DNAAF9: variants seen among roughly 807,000 people sequenced by gnomAD.
The protein encoded by DNAAF9 is dynein axonemal assembly factor 9.
DNAAF9 carries 90 observed loss-of-function variants against 167.0 expected under a neutral mutation model. The ratio of observed to expected loss-of-function variants is 0.54; its 90% CI spans 0.45 to 0.64. DNAAF9 has a LOEUF of 0.64. Ranked by LOEUF, DNAAF9 falls within the 30% of genes least tolerant of loss-of-function variation. The pLI is 0.00. For synonymous variants in DNAAF9, 491 were observed against 508.8 expected, an observed-to-expected ratio of 0.96 and a Z score of 0.47; for missense variants, 1,315 against 1,442.2, an observed-to-expected ratio of 0.91 and a Z score of 1.43.
chr20:3,295,724 A>G (rs940305912), intron 23 of DNAAF9: 1 of 613,372 alleles, frequency 1.6e-6, no homozygotes, highest in Admixed American at 1.9e-5. Flanking sequence ...ATTATCTGGC[A>G]TAACGCGTGA....
At chr20:3,341,847 G>A (rs934637243) in intron 9 of DNAAF9, among the ~76,000 whole-genome samples, 37 of 152,036 alleles carry the variant, frequency 2.4e-4, no homozygotes, top group South Asian at 1.7e-3. Context: ...GCGCGATCTC[G>A]GCTCACTGCA....
intron 12 of DNAAF9, 106 bp from the exon 13 acceptor site, chr20:3,326,390 A>C: frequency 1.3e-6 from 1 of 787,814 alleles, no homozygotes; most frequent in Non-Finnish European, 2.1e-6. Flanking sequence ...TTTAAACAGA[A>C]TGAAAAAAGG....
chr20:3,361,484 A>AGTGGGAG (rs1286916421), intron 6 of DNAAF9, among the ~76,000 whole-genome samples: 1 of 152,162 alleles, frequency 6.6e-6, no homozygotes, highest in Non-Finnish European at 1.5e-5. Context: ...TTGCAGGGAA[A>AGTGGGAG]GTGGGAGGTG....
At chr20:3,286,111 T>C (rs1398160350) in intron 27 of DNAAF9, among the ~76,000 whole-genome samples, 4 of 152,136 alleles carry the variant, frequency 2.6e-5, no homozygotes, top group Non-Finnish European at 5.9e-5. Context: ...AGCCCCAAGA[T>C]GATGGACATG....
intron 30 of DNAAF9, among the ~76,000 whole-genome samples, chr20:3,264,888 G>A (rs541260717): frequency 1.1e-4 from 17 of 152,028 alleles, no homozygotes; most frequent in Non-Finnish European, 2.4e-4. Context: ...TTACCTGCAC[G>A]TTTTGTTTAT....
At chr20:3,398,630 A>C (rs1346680552) in intron 1 of DNAAF9, among the ~76,000 whole-genome samples, 1 of 152,218 alleles carries the variant, frequency 6.6e-6, no homozygotes, top group Non-Finnish European at 1.5e-5. Flanking sequence ...ACAATTCTTG[A>C]AACTTTTCTG....
chr20:3,389,157 G>A (rs1217316762), intron 1 of DNAAF9, among the ~76,000 whole-genome samples: 2 of 151,738 alleles, frequency 1.3e-5, no homozygotes, highest in African/African-American at 4.8e-5. Flanking sequence ...TTTTAGTAGA[G>A]ATGAGGTTTC....
chr20:3,271,636 T>C (rs2068594853), intron 29 of DNAAF9, among the ~76,000 whole-genome samples: 1 of 151,786 alleles, frequency 6.6e-6, no homozygotes, highest in Non-Finnish European at 1.5e-5. Context: ...TTTTTTTTTT[T>C]TTGAGACGGA....
chr20:3,345,397 T>C (rs911830289), intron 8 of DNAAF9, among the ~76,000 whole-genome samples: 4 of 152,180 alleles, frequency 2.6e-5, no homozygotes, highest in African/African-American at 9.7e-5. Flanking sequence ...GCAATCCTAA[T>C]AACAACCTAT....
intron 7 of DNAAF9, among the ~76,000 whole-genome samples, chr20:3,355,612 A>T (rs948039250): frequency 2.0e-5 from 3 of 152,148 alleles, no homozygotes; most frequent in Non-Finnish European, 2.9e-5. Context: ...CAGATGTTCA[A>T]TGTTATCAAA....
At chr20:3,270,122 T>C (rs1276778376) in intron 30 of DNAAF9, among the ~76,000 whole-genome samples, 1 of 149,264 alleles carries the variant, frequency 6.7e-6, no homozygotes, top group African/African-American at 2.5e-5. Context: ...GCACGAGCCA[T>C]TGTGCCCAGC....
At chr20:3,275,649 T>C (rs1438738199) in intron 29 of DNAAF9, among the ~76,000 whole-genome samples, 1 of 152,234 alleles carries the variant, frequency 6.6e-6, no homozygotes, top group East Asian at 1.9e-4. Context: ...AAATGCCATC[T>C]GTGAGGCAGG....
At chr20:3,362,206 TA>T in intron 6 of DNAAF9, 1 of 1,435,536 alleles carries the variant, frequency 7.0e-7, no homozygotes, top group Non-Finnish European at 9.7e-7. Context: ...CATGTCTTCG[TA>T]ATCTTCTAGA....
At position 3,294,623 on chromosome 20, in the gene DNAAF9, G is replaced by A. The variant is rs747393676; in HGVS notation, c.2025C>T (p.Ser675=). Residue 675 remains serine (S), a synonymous_variant, in exon 24 of 37, where the codon TCC becomes TCT. Transcript: ENST00000252032. ...GLSVEQKRLH[S]SAQKLFSALS... is the part of the protein sequence containing the mutation. ...GGGCACTGAAGAGCTTCTGTGCACT[G>A]GAGTGCCTGGAATAACAAAAGCTCA... The A allele has an allele frequency of 5.6e-6, 9 of 1,603,418 alleles. No homozygotes were observed. In the East Asian group the frequency reaches 1.8e-4, roughly 32 times the overall value.
In DNAAF9 at chr20:3,256,134, TGG is replaced by T; in HGVS notation, c.3131_3132del (p.Pro1044HisfsTer42). 6.2e-7 allele frequency: 1 copy of T among 1,614,222 alleles called. No homozygotes were observed. The highest frequency in any genetic ancestry group is 8.5e-7 in the Non-Finnish European group (1 of 1,180,040). On this transcript the variant is annotated frameshift_variant, in exon 34 of 37. Coordinates refer to ENST00000252032, the MANE Select transcript of DNAAF9 (RefSeq NM_001009984.3). LOFTEE classifies it high-confidence loss of function. The part of the protein sequence containing the change: ...SLSIMPVLEG[P>X]TPPPDSKSVS... ...ACGCTTTTGGAGTCTGGTGGTGGTG[TGG>T]GTCCTTCCAAAACTGGCATGATGCT...
intron 7 of DNAAF9, among the ~76,000 whole-genome samples, chr20:3,357,629 G>GCTTAT (rs10626095): frequency 0.43 from 64,581 of 151,260 alleles, 13,773 homozygotes; most frequent in Middle Eastern, 0.57. Context: ...CACCCATCCA[G>GCTTAT]CTTTATCTTT....
rs1435487040 is a variant in DNAAF9, at chr20:3,255,436, C to T, written c.3262-152G>A. 5.1e-6 allele frequency: 3 copies of T among 588,792 alleles called. No individual in the cohort carries two copies. The East Asian group carries it at 8.6e-5, about 17-fold the overall frequency. 36.5% of individuals were successfully genotyped at this position (588,792 alleles called of 1,614,324 possible). On this transcript the variant is annotated intron_variant, in intron 34 of 36. Coordinates refer to ENST00000252032, the MANE Select transcript of DNAAF9 (RefSeq NM_001009984.3). The stretch of plus-strand genomic sequence containing the variant: ...TGGATATAATATTCTGTCTAGTCTG[C>T]TCTTTGAGAAAACCACTTTCCCATC...
chr20:3,270,003 A>C (rs1362892747), intron 30 of DNAAF9, among the ~76,000 whole-genome samples: 1 of 151,706 alleles, frequency 6.6e-6, no homozygotes, highest in Non-Finnish European at 1.5e-5. Context: ...TCTTTTTCCA[A>C]TATATTTTTT....
At chr20:3,280,057 C>CCAGCTGTGGGT (rs1179760956) in intron 28 of DNAAF9, among the ~76,000 whole-genome samples, 2 of 152,128 alleles carry the variant, frequency 1.3e-5, no homozygotes, top group Admixed American at 6.6e-5. Context: ...GGGTGAATAC[C>CCAGCTGTGGGT]AGGTTGGGCT....
Sources: gnomAD v4.1 joint callset for allele counts (sites outside exome capture counted in the v4.1 genomes callset) on GRCh38, gnomAD v4.1.1 for gene constraint, MANE v1.5 for transcripts, NCBI Gene and HGNC (gene_info 2026-07-23, HGNC 2026-07-21) for gene names.